The following IPO9 variants were observed in gnomAD, a reference collection of about 807,000 sequenced individuals.
The protein encoded by IPO9 is importin-9.
Under a neutral mutation model 128.6 loss-of-function variants are expected in IPO9, and 28 were observed. The ratio of observed to expected loss-of-function variants is 0.22; its 90% CI spans 0.16 to 0.30. The LOEUF is 0.30. IPO9 is among the 10% of genes least tolerant of loss of function. IPO9 has a pLI of 1.00. For synonymous variants in IPO9, 455 were observed against 475.8 expected (o/e 0.96, Z 0.57); for missense variants, 935 against 1,293.9 (o/e 0.72, Z 4.26).
rs1223259351 is a variant in IPO9 at position 201,880,424 on chromosome 1, T to C, written c.*4370T>C. Reference sequence around the variant, plus strand: ...GGAAGGCTAAGATGTAGAGGACAAATCGTGTCAAGGAAAAGAAGCTTGAAG... The same window carrying C: ...GGAAGGCTAAGATGTAGAGGACAAACCGTGTCAAGGAAAAGAAGCTTGAAG... On this transcript the variant is annotated 3_prime_UTR_variant, in exon 24 of 24. Transcript: ENST00000361565. 1 of 152,054 alleles carries C rather than the reference T, an allele frequency of 6.6e-6. No individual in the cohort carries two copies. The highest frequency in any genetic ancestry group is 2.4e-5 in the African/African-American group (1 of 41,368). The allele number at this position is 152,054 out of a possible 1,614,324, so 9.4% of individuals were successfully genotyped here.
At position 201,883,441 on chromosome 1, in the gene IPO9, A is replaced by G. The variant is rs1680926857; in HGVS notation, c.*7387A>G. The G allele has an allele frequency of 6.6e-6, 1 of 152,176 alleles. No individual in the cohort carries two copies. The allele number at this position is 152,176 out of a possible 1,614,324, so 9.4% of individuals were successfully genotyped here. ...TGAGACTCCTGCCCTGATTGTGGCA[A>G]AGCACCTGGAGATGATAGAACTTCC... On this transcript the variant is annotated 3_prime_UTR_variant, in exon 24 of 24. Coordinates refer to ENST00000361565, the MANE Select transcript of IPO9 (RefSeq NM_018085.5).
At chr1:201,846,645 T>G (rs761257384) in intron 1 of IPO9, among the ~76,000 whole-genome samples, 2 of 152,094 alleles carry the variant, frequency 1.3e-5, no homozygotes, top group South Asian at 2.1e-4. Flanking sequence ...AGTGCTAGGA[T>G]TATAGGCATG....
chr1:201,856,068 G>A, intron 10 of IPO9, 134 bp downstream of exon 10: 1 of 712,014 alleles, frequency 1.4e-6, no homozygotes, highest in Non-Finnish European at 2.1e-6. Flanking sequence ...GAAGTTCTGG[G>A]AAAGGTTTGA....
chr1:201,863,929 A>G (rs879631393), intron 14 of IPO9, among the ~76,000 whole-genome samples: 4 of 152,322 alleles, frequency 2.6e-5, no homozygotes, highest in Admixed American at 2.6e-4. Flanking sequence ...ACAATTGATG[A>G]ATGATAGAAG....
chr1:201,866,074 C>G (rs1414791913), intron 14 of IPO9, among the ~76,000 whole-genome samples: 7 of 152,222 alleles, frequency 4.6e-5, no homozygotes, highest in African/African-American at 1.7e-4. Flanking sequence ...ACTTGTGTTA[C>G]TCCTAACACC....
In IPO9 at chr1:201,881,467, G is replaced by A. The variant is rs993730333; in HGVS notation, c.*5413G>A. On this transcript the variant is annotated 3_prime_UTR_variant, in exon 24 of 24. Coordinates refer to ENST00000361565, the MANE Select transcript of IPO9 (RefSeq NM_018085.5). Reference sequence around the variant, plus strand: ...GCAGATGAGAGTGGGGTAAGACATTGCAGAGAAAAAGTAAGAAAAGGCCGT... The same window carrying A: ...GCAGATGAGAGTGGGGTAAGACATTACAGAGAAAAAGTAAGAAAAGGCCGT... 3 of 152,168 alleles carry A rather than the reference G, an allele frequency of 2.0e-5. No individual in the cohort carries two copies. The highest frequency in any genetic ancestry group is 7.2e-5 in the African/African-American group (3 of 41,432). 9.4% of individuals were successfully genotyped at this position (152,168 alleles called of 1,614,324 possible).
chr1:201,836,147 A>T (rs560392863), intron 1 of IPO9, among the ~76,000 whole-genome samples: 1 of 147,310 alleles, frequency 6.8e-6, no homozygotes, highest in Non-Finnish European at 1.5e-5. Flanking sequence ...AAAAAAACAG[A>T]CACCAATCAG....
At chr1:201,844,831 A>G (rs1364467466) in intron 1 of IPO9, among the ~76,000 whole-genome samples, 5 of 152,234 alleles carry the variant, frequency 3.3e-5, no homozygotes, top group South Asian at 2.1e-4. Flanking sequence ...GTAGAATCCA[A>G]TTAAGGTGGA....
chr1:201,842,342 TTTGGCA>T (rs1680050134), intron 1 of IPO9, among the ~76,000 whole-genome samples: 1 of 152,174 alleles, frequency 6.6e-6, no homozygotes. Context: ...AAGTGTGTTC[TTTGGCA>T]TTTTTATGGA....
intron 1 of IPO9, among the ~76,000 whole-genome samples, chr1:201,843,941 ATAT>A (rs1310763678): frequency 6.6e-6 from 1 of 152,074 alleles, no homozygotes. Context: ...ATATTTTATA[ATAT>A]TGTAATAAAT....
chr1:201,880,038 CAAAAAAT>C lies in IPO9; in HGVS notation c.*3988_*3994del, dbSNP rs1680856474. 6.6e-6 allele frequency: 1 copy of C among 152,098 alleles called. No homozygotes were observed. Among genetic ancestry groups the C allele is most frequent in the South Asian group, 2.1e-4 (1 of 4,832 alleles). The allele number at this position is 152,098 out of a possible 1,614,324, so 9.4% of individuals were successfully genotyped here. ...TGGGCAACAGAGCAAGATTCTGTCTCAAAAAATAAAGTTTATTATGCCAGGAGGGCCA... is the reference window on the plus strand; with the variant it reads ...TGGGCAACAGAGCAAGATTCTGTCTCAAAGTTTATTATGCCAGGAGGGCCA... On this transcript the variant is annotated 3_prime_UTR_variant, in exon 24 of 24. Coordinates refer to ENST00000361565, the MANE Select transcript of IPO9 (RefSeq NM_018085.5).
At chr1:201,836,225 C>A (rs1201556847) in intron 1 of IPO9, among the ~76,000 whole-genome samples, 1 of 149,864 alleles carries the variant, frequency 6.7e-6, no homozygotes, top group Non-Finnish European at 1.5e-5. Flanking sequence ...AGTTGTATTT[C>A]AAAAAATATT....
In IPO9 at chr1:201,868,649, T is replaced by TC; in HGVS notation, c.1860dup (p.Val621ArgfsTer17). 2 of 1,613,102 alleles carry TC rather than the reference T, an allele frequency of 1.2e-6. No homozygotes were observed. Among genetic ancestry groups the TC allele is most frequent in the Non-Finnish European group, 1.7e-6 (2 of 1,179,506 alleles). ...TCCGTGTTGCCTTATCCACTTCAGA[T>TC]CCCGTCGTCGCCTCACTGGCTCAGG... On this transcript the variant is annotated frameshift_variant and splice_region_variant, in exon 16 of 24. Transcript: ENST00000361565. LOFTEE classifies it high-confidence loss of function.
intron 1 of IPO9, among the ~76,000 whole-genome samples, chr1:201,837,232 T>TACTGTA (rs1208148738): frequency 6.6e-6 from 1 of 152,228 alleles, no homozygotes; most frequent in Non-Finnish European, 1.5e-5. Context: ...ATTAACTTAT[T>TACTGTA]ACTGTATTAG....
Position 201,880,025 on chromosome 1 carries a change from C to T in IPO9, c.*3971C>T, listed in dbSNP as rs1318342184. The stretch of plus-strand genomic sequence containing the variant: ...TTGCACTCCAGCCTGGGCAACAGAG[C>T]AAGATTCTGTCTCAAAAAATAAAGT... On this transcript the variant is annotated 3_prime_UTR_variant, in exon 24 of 24. Coordinates refer to ENST00000361565, the MANE Select transcript of IPO9 (RefSeq NM_018085.5). 1 of 152,044 alleles carries T rather than the reference C, an allele frequency of 6.6e-6. No individual in the cohort carries two copies. The highest frequency in any genetic ancestry group is 1.5e-5 in the Non-Finnish European group (1 of 68,044). The allele number at this position is 152,044 out of a possible 1,614,324, so 9.4% of individuals were successfully genotyped here.
chr1:201,858,328 T>G (rs1261101640), intron 11 of IPO9, 119 bp from the exon 12 acceptor site: 3 of 510,932 alleles, frequency 5.9e-6, no homozygotes, highest in Non-Finnish European at 1.1e-5. Flanking sequence ...ATTAGGGGTT[T>G]GCACATGTAT....
intron 9 of IPO9, 51 bp from the exon 10 acceptor site, chr1:201,855,732 T>C (rs755684279): frequency 2.0e-5 from 31 of 1,530,298 alleles, no homozygotes; most frequent in Non-Finnish European, 2.7e-5. Flanking sequence ...GCATATATGC[T>C]TTCCTTTTGC....
chr1:201,853,625 A>G (rs943111209), intron 6 of IPO9, among the ~76,000 whole-genome samples: 62 of 152,278 alleles, frequency 4.1e-4, no homozygotes, highest in Non-Finnish European at 7.1e-4. Flanking sequence ...ATCATAGCTC[A>G]CTGCAGCCTC....
At chr1:201,872,005 C>T (rs12042551) in intron 19 of IPO9, among the ~76,000 whole-genome samples, 5,256 of 151,926 alleles carry the variant, frequency 0.035, 298 homozygotes, top group East Asian at 0.28. Flanking sequence ...GAGGCTGAGG[C>T]GAGCAGATCA....
Sources: gnomAD v4.1 joint callset for allele counts (sites outside exome capture counted in the v4.1 genomes callset) on GRCh38, gnomAD v4.1.1 for gene constraint, MANE v1.5 for transcripts, NCBI Gene and HGNC (gene_info 2026-07-23, HGNC 2026-07-21) for gene names.